PCDH9: variants seen among roughly 807,000 people sequenced by gnomAD.
PCDH9 encodes protocadherin-9.
A neutral mutation model predicts 70.6 loss-of-function variants in PCDH9; 24 were observed. The ratio of observed to expected loss-of-function variants is 0.34; its 90% CI spans 0.25 to 0.48. PCDH9 has a LOEUF of 0.48. Ranked by LOEUF, PCDH9 falls within the 20% of genes least tolerant of loss-of-function variation. PCDH9 has a pLI of 0.99. For synonymous variants in PCDH9, 562 were observed against 558.5 expected, an observed-to-expected ratio of 1.01 and a Z score of -0.09; for missense variants, 1,281 against 1,503.6, an observed-to-expected ratio of 0.85 and a Z score of 2.45.
chr13:66,716,744 T>G (rs1443581559), intron 3 of PCDH9, among the ~76,000 whole-genome samples: 1 of 152,174 alleles, frequency 6.6e-6, no homozygotes, highest in East Asian at 1.9e-4. Flanking sequence ...CATGTTCTTC[T>G]TTCAGATATG....
At position 66,613,975 on chromosome 13, in the gene PCDH9, T is replaced by G. The variant is rs553897858; in HGVS notation, c.3340+17235A>C. On this transcript the variant is annotated intron_variant, in intron 4 of 4. Coordinates refer to ENST00000377865, the MANE Select transcript of PCDH9 (RefSeq NM_203487.3). ...TTTTAGGTTTTGAGAACTATTTGAC[T>G]TGCAGGCTTCACAATTGGTAAGGCC... 4.6e-5 allele frequency among the ~76,000 whole-genome samples: 7 copies of G among 152,304 alleles called. No individual in the cohort carries two copies. The South Asian group carries it at 1.4e-3, about 32-fold the overall frequency.
chr13:67,174,179 A>T (rs1352309866), intron 2 of PCDH9, among the ~76,000 whole-genome samples: 2 of 152,132 alleles, frequency 1.3e-5, no homozygotes, highest in African/African-American at 4.8e-5. Flanking sequence ...CCACATATAC[A>T]TAAAATATGT....
At chr13:66,484,432 G>A (rs967601611) in intron 4 of PCDH9, among the ~76,000 whole-genome samples, 1 of 152,124 alleles carries the variant, frequency 6.6e-6, no homozygotes, top group African/African-American at 2.4e-5. Context: ...ATCACACACC[G>A]TGCGAGGGCG....
At chr13:66,376,615 A>AT (rs1956751738) in intron 4 of PCDH9, among the ~76,000 whole-genome samples, 2 of 152,096 alleles carry the variant, frequency 1.3e-5, no homozygotes, top group African/African-American at 4.8e-5. Flanking sequence ...AAATACAAGT[A>AT]TTTTTCAATT....
intron 3 of PCDH9, among the ~76,000 whole-genome samples, chr13:66,761,359 T>C (rs1306023032): frequency 6.6e-6 from 1 of 152,174 alleles, no homozygotes; most frequent in East Asian, 1.9e-4. Context: ...CCCCCAATAG[T>C]TGGACATTCC....
intron 3 of PCDH9, among the ~76,000 whole-genome samples, chr13:66,759,214 A>AATTGG (rs1307123381): frequency 1.3e-5 from 2 of 152,014 alleles, no homozygotes; most frequent in African/African-American, 4.8e-5. Flanking sequence ...CTTCTTGCTG[A>AATTGG]ATTGGACCCT....
intron 3 of PCDH9, among the ~76,000 whole-genome samples, chr13:66,833,400 A>G (rs1183741312): frequency 6.6e-6 from 1 of 152,114 alleles, no homozygotes; most frequent in Non-Finnish European, 1.5e-5. Flanking sequence ...CAGCTCCTCC[A>G]TACATTTCAT....
chr13:66,557,411 AG>A (rs1326322486), intron 4 of PCDH9, among the ~76,000 whole-genome samples: 1 of 152,202 alleles, frequency 6.6e-6, no homozygotes, highest in Non-Finnish European at 1.5e-5. Flanking sequence ...TAGTAAGCGT[AG>A]TCTATTTTAC....
chr13:66,419,366 G>C (rs1431379453), intron 4 of PCDH9, among the ~76,000 whole-genome samples: 4 of 152,000 alleles, frequency 2.6e-5, no homozygotes, highest in African/African-American at 9.7e-5. Context: ...TCCCACGCAA[G>C]ATGGCGGAAT....
rs201026859 is a variant in PCDH9 at position 66,305,056 on chromosome 13, G to A, written c.3341-28C>T. 1.3e-4 allele frequency: 200 copies of A among 1,545,570 alleles called. 2 individuals are homozygous for A. In the East Asian group the frequency reaches 4.5e-3, roughly 35 times the overall value. ...GCAGAAGACAAGAGAGAGAAAATAAGAAAAGGAAGTGGTTAAAATTTTCAA... is the reference window on the plus strand; with the variant it reads ...GCAGAAGACAAGAGAGAGAAAATAAAAAAAGGAAGTGGTTAAAATTTTCAA... On this transcript the variant is annotated intron_variant, in intron 4 of 4. Coordinates refer to ENST00000377865, the MANE Select transcript of PCDH9 (RefSeq NM_203487.3).
At chr13:66,922,086 T>A (rs1170040728) in intron 2 of PCDH9, among the ~76,000 whole-genome samples, 1 of 151,374 alleles carries the variant, frequency 6.6e-6, no homozygotes, top group East Asian at 1.9e-4. Context: ...TTCATAAAGA[T>A]AAACCAGATT....
At chr13:66,569,733 T>A (rs2076705950) in intron 4 of PCDH9, among the ~76,000 whole-genome samples, 1 of 152,094 alleles carries the variant, frequency 6.6e-6, no homozygotes, top group Non-Finnish European at 1.5e-5. Flanking sequence ...ATATAAGAGA[T>A]GGGATGATTA....
At chr13:66,766,408 G>C (rs2079718949) in intron 3 of PCDH9, among the ~76,000 whole-genome samples, 1 of 151,926 alleles carries the variant, frequency 6.6e-6, no homozygotes, top group Non-Finnish European at 1.5e-5. Flanking sequence ...CCCAAACATA[G>C]CTAAAGTATT....
chr13:66,720,739 T>C (rs2078931825), intron 3 of PCDH9, among the ~76,000 whole-genome samples: 1 of 152,114 alleles, frequency 6.6e-6, no homozygotes, highest in Non-Finnish European at 1.5e-5. Context: ...TTATAAGCCA[T>C]AACAAACTCA....
chr13:67,098,947 A>G (rs2086377903), intron 2 of PCDH9, among the ~76,000 whole-genome samples: 1 of 152,180 alleles, frequency 6.6e-6, no homozygotes, highest in South Asian at 2.1e-4. Flanking sequence ...ATAATAAATT[A>G]CAAAGTATTT....
chr13:66,699,913 C>T (rs952633868), intron 3 of PCDH9, among the ~76,000 whole-genome samples: 1 of 138,218 alleles, frequency 7.2e-6, no homozygotes, highest in Admixed American at 7.7e-5. Context: ...TGAGGGACTG[C>T]GTTAGGCTGA....
At chr13:67,041,074 G>GATTAGATAT (rs2085104350) in intron 2 of PCDH9, among the ~76,000 whole-genome samples, 1 of 151,832 alleles carries the variant, frequency 6.6e-6, no homozygotes, top group African/African-American at 2.4e-5. Flanking sequence ...AAAAAAAAAA[G>GATTAGATAT]ATTAGATATA....
intron 3 of PCDH9, among the ~76,000 whole-genome samples, chr13:66,692,118 T>C (rs942352521): frequency 6.6e-6 from 1 of 152,176 alleles, no homozygotes; most frequent in African/African-American, 2.4e-5. Flanking sequence ...TTCTTTGATA[T>C]TAGCCTCTAC....
chr13:66,828,810 A>AAAAAAAAAAAAAAAATAATAAT (rs71207607), intron 3 of PCDH9, among the ~76,000 whole-genome samples: 2 of 148,608 alleles, frequency 1.3e-5, no homozygotes, highest in African/African-American at 4.9e-5. Context: ...GCCATACATA[A>AAAAAAAAAAAAAAAATAATAAT]AATAATAATA....
Sources: allele counts gnomAD v4.1 joint callset (sites outside exome capture counted in the v4.1 genomes callset), GRCh38; gene constraint gnomAD v4.1.1; transcripts MANE v1.5; gene names NCBI Gene and HGNC (gene_info 2026-07-23, HGNC 2026-07-21).